The following CLCN4 variants were observed in gnomAD, a reference collection of about 807,000 sequenced individuals.
CLCN4 encodes Cl-/H+ antiporter 4, also known as H(+)/Cl(-) exchange transporter 4.
A neutral mutation model predicts 41.7 loss-of-function variants in CLCN4; 1 was observed. That is an observed-to-expected ratio of 0.02 (90% CI 0.01 to 0.11). CLCN4 has a LOEUF of 0.11. CLCN4 is among the 10% of genes least tolerant of loss of function. The pLI is 1.00. For missense variants in CLCN4, 287 were observed against 661.0 expected, an observed-to-expected ratio of 0.43 and a Z score of 6.20; for synonymous variants, 277 against 285.8, an observed-to-expected ratio of 0.97 and a Z score of 0.31.
chrX:10,224,293 CGTGTGTGTGTGTGTGTGTGTGT>C (rs772983564), intron 12 of CLCN4, among the ~76,000 whole-genome samples: 10 of 87,904 alleles, frequency 1.1e-4, no homozygotes, highest in African/African-American at 3.9e-4. Context: ...GGGAGGGTTC[CGTGTGTGTGTGTGTGTGTGTGT>C]GTGTGTGTGT....
chrX:10,233,410 A>G (rs1467139781), intron 12 of CLCN4, 84 bp from the exon 13 acceptor site: 2 of 680,796 alleles, frequency 2.9e-6, no homozygotes, highest in East Asian at 3.3e-5. Context: ...CTGTGTCCAC[A>G]TGGAAAAGGC....
intron 2 of CLCN4, among the ~76,000 whole-genome samples, chrX:10,162,081 C>T (rs1319408643): frequency 1.0e-5 from 1 of 99,731 alleles, no homozygotes; most frequent in Non-Finnish European, 2.0e-5. Flanking sequence ...GCAGTGGTAG[C>T]GATCTCAGCT....
intron 11 of CLCN4, among the ~76,000 whole-genome samples, chrX:10,218,824 G>C (rs1602163646): frequency 1.8e-5 from 2 of 112,349 alleles, no homozygotes; most frequent in East Asian, 5.6e-4. Context: ...CAGGCTTCTG[G>C]CTCTGACCCT....
intron 2 of CLCN4, among the ~76,000 whole-genome samples, chrX:10,180,213 G>C (rs933881229): frequency 8.9e-6 from 1 of 111,771 alleles, no homozygotes; most frequent in Non-Finnish European, 1.9e-5. Flanking sequence ...GGTTGGTTGT[G>C]TGTTTTAAAA....
chrX:10,206,633 C>G, intron 7 of CLCN4, 63 bp from the exon 8 acceptor site: 1 of 1,186,753 alleles, frequency 8.4e-7, no homozygotes, highest in Non-Finnish European at 1.1e-6. Context: ...GTCTGACTTG[C>G]AGGTTTGCAC....
At chrX:10,227,332 G>C (rs991310375) in intron 12 of CLCN4, among the ~76,000 whole-genome samples, 2 of 110,943 alleles carry the variant, frequency 1.8e-5, no homozygotes, top group Non-Finnish European at 3.8e-5. Context: ...TGCAGAAAAG[G>C]CCTTCGATAA....
intron 12 of CLCN4, among the ~76,000 whole-genome samples, chrX:10,232,227 A>C (rs1925144242): frequency 8.9e-6 from 1 of 111,979 alleles, no homozygotes; most frequent in African/African-American, 3.2e-5. Context: ...CAGAGCCAAA[A>C]AAGTCAGAAT....
chrX:10,199,722 A>G (rs1054252335), intron 6 of CLCN4, among the ~76,000 whole-genome samples: 5 of 111,351 alleles, frequency 4.5e-5, no homozygotes, highest in African/African-American at 9.8e-5. Flanking sequence ...ACAAATTTGC[A>G]TTTTCTTTTT....
rs1159553381 is a variant in CLCN4, at chrX:10,187,547, G to A, written c.177G>A (p.Glu59=). 1.7e-6 allele frequency: 2 copies of A among 1,210,875 alleles called. No individual in the cohort carries two copies. The highest frequency in any genetic ancestry group is 3.5e-5 in the African/African-American group (2 of 57,826). The change falls in exon 4 of 13, where the codon GAG becomes GAA. Residue 59 remains glutamate, a synonymous_variant. Coordinates refer to ENST00000380833, the MANE Select transcript of CLCN4 (RefSeq NM_001830.4). The part of the protein sequence containing the change: ...ITSKSKESIW[E]FIKSLLDAWS... ...GCAAGAGCAAGGAGTCCATATGGGA[G>A]TTCATCAAGAGCCTGCTGGATGCCT...
chrX:10,213,117 G>C (rs1188451349), intron 10 of CLCN4, among the ~76,000 whole-genome samples: 1 of 111,790 alleles, frequency 8.9e-6, no homozygotes, highest in African/African-American at 3.3e-5. Flanking sequence ...AGAAACAGAT[G>C]GTTGCCTGTG....
chrX:10,164,416 A>G (rs1923192670), intron 2 of CLCN4, among the ~76,000 whole-genome samples: 1 of 111,862 alleles, frequency 8.9e-6, no homozygotes, highest in Admixed American at 9.4e-5. Context: ...TCAACCCTGG[A>G]TTGTCCTCAG....
At chrX:10,184,486 G>T (rs1248176698) in intron 2 of CLCN4, among the ~76,000 whole-genome samples, 1 of 111,482 alleles carries the variant, frequency 9.0e-6, no homozygotes, top group Non-Finnish European at 1.9e-5. Context: ...GGTCCTTTTC[G>T]TGTTCTATTT....
At chrX:10,176,745 T>C (rs1433274833) in intron 2 of CLCN4, among the ~76,000 whole-genome samples, 1 of 112,164 alleles carries the variant, frequency 8.9e-6, no homozygotes, top group Non-Finnish European at 1.9e-5. Context: ...GATTAGCTAA[T>C]AGAGCAAGTT....
At position 10,235,476 on chromosome X, in the gene CLCN4, C is replaced by A. The variant is rs1394167630; in HGVS notation, c.*1892C>A. 1 of 111,698 alleles carries A rather than the reference C, an allele frequency of 9.0e-6. No homozygotes were observed. Among genetic ancestry groups the A allele is most frequent in the South Asian group, 3.8e-4 (1 of 2,663 alleles). 9.2% of individuals were successfully genotyped at this position (111,698 alleles called of 1,213,427 possible). A position where few individuals can be genotyped will look rare whatever the true frequency, so the allele number is the denominator to read the frequency against. On this transcript the variant is annotated 3_prime_UTR_variant, in exon 13 of 13. Coordinates refer to ENST00000380833, the MANE Select transcript of CLCN4 (RefSeq NM_001830.4). ...GGAAGTTTGCTGTATTGGATGCCAT[C>A]ATCGTGTCCTTGTCATTGCCCTTCC...
At chrX:10,163,431 G>A (rs1923163471) in intron 2 of CLCN4, among the ~76,000 whole-genome samples, 1 of 98,229 alleles carries the variant, frequency 1.0e-5, no homozygotes. Context: ...TTTTTGAGAT[G>A]GAATCTCTCT....
intron 2 of CLCN4, among the ~76,000 whole-genome samples, chrX:10,179,136 A>G (rs1042256878): frequency 8.9e-6 from 1 of 112,602 alleles, no homozygotes; most frequent in African/African-American, 3.2e-5. Context: ...GGCAGTGAAG[A>G]TAGCGCTGAA....
At position 10,206,558 on chromosome X, in the gene CLCN4, G is replaced by A; in HGVS notation, c.756G>A (p.Arg252=). The A allele has an allele frequency of 8.3e-7, 1 of 1,209,994 alleles. No individual in the cohort carries two copies. The highest frequency in any genetic ancestry group is 1.1e-6 in the Non-Finnish European group (1 of 894,230). ...FSKYSKNEGK[R]REVLSAAAAA... ...AGTACAGCAAGAATGAGGGCAAGAG[G>A]CGGGAGGTGAGCCAGCTCAGCTTCC... is the stretch of plus-strand genomic sequence containing the variant. The change falls in exon 7 of 13, where the codon AGG becomes AGA. Residue 252 remains arginine (R), a synonymous_variant. Transcript: ENST00000380833.
intron 4 of CLCN4, among the ~76,000 whole-genome samples, chrX:10,191,692 A>ATTTTTTTTTTTTTTTTTTTTTT (rs760315418): frequency 1.8e-4 from 9 of 49,770 alleles, no homozygotes; most frequent in African/African-American, 8.3e-4. Context: ...TATCTGGTTA[A>ATTTTTTTTTTTTTTTTTTTTTT]TTTTTTTTTT....
chrX:10,196,573 C>T (rs1298111066), intron 5 of CLCN4, among the ~76,000 whole-genome samples: 1 of 98,770 alleles, frequency 1.0e-5, no homozygotes, highest in African/African-American at 4.1e-5. Context: ...TGACTTACCA[C>T]AGCTGAAGAC....
Sources: allele counts gnomAD v4.1 joint callset (sites outside exome capture counted in the v4.1 genomes callset), GRCh38; gene constraint gnomAD v4.1.1; transcripts MANE v1.5; gene names NCBI Gene and HGNC (gene_info 2026-07-23, HGNC 2026-07-21).